Variants in CROT observed in about 807,000 individuals in gnomAD.
CROT encodes peroxisomal carnitine O-octanoyltransferase.
CROT carries 84 observed loss-of-function variants against 89.2 expected under a neutral mutation model. The observed-to-expected ratio is 0.94, with a 90% CI of 0.79 to 1.13. The LOEUF (loss-of-function observed/expected upper bound fraction) is 1.13. CROT is among the 50% of genes most tolerant of loss of function. The probability of loss-of-function intolerance (pLI) is 0.00; values close to 1 mark genes in which losing one functional copy is unlikely to be tolerated. For synonymous variants in CROT, 212 were observed against 239.5 expected (o/e 0.89, Z 1.06); for missense variants, 711 against 727.8 (o/e 0.98, Z 0.27).
intron 10 of CROT, among the ~76,000 whole-genome samples, chr7:87,380,818 T>TTCA: frequency 1.3e-5 from 2 of 152,326 alleles, no homozygotes; most frequent in Middle Eastern, 3.4e-3. Context: ...ACAATATATT[T>TTCA]GATAATATCT....
Position 87,384,511 on chromosome 7 carries a change from G to A in CROT, c.1301+1968G>A, listed in dbSNP as rs532434094. On this transcript the variant is annotated intron_variant, in intron 13 of 17. Transcript: ENST00000331536. ...CGTGCCACTGCACTCCAGCCTGGGC[G>A]ACAGAGCAAGACACTGTCTAACAAC... Among the ~76,000 whole-genome samples, 4 of 152,280 alleles carry A rather than the reference G, an allele frequency of 2.6e-5. No individual in the cohort carries two copies. In the East Asian group the frequency reaches 7.7e-4, roughly 29 times the overall value.
Position 87,361,746 on chromosome 7 carries a change from T to G in CROT, c.441T>G (p.His147Gln), listed in dbSNP as rs776344240. The G allele has an allele frequency of 1.9e-6, 3 of 1,584,914 alleles. No homozygotes were observed. Among genetic ancestry groups the G allele is most frequent in the Non-Finnish European group, 2.6e-6 (3 of 1,170,584 alleles). ...TTAATAGAGAAAAAGTGCCTGTTCA[T>G]AAAGTTGGAAATACTCCTCTAGATA... ...QLLRKEKVPVHKVGNTPLDMN... is the reference protein window; with the variant it reads ...QLLRKEKVPVQKVGNTPLDMN... Residue 147 changes from histidine to glutamine, a missense_variant, in exon 6 of 18, where the codon CAT becomes CAG. Physicochemically the swap from His to Gln is conservative, Grantham distance 24 (BLOSUM62 0). Coordinates refer to ENST00000331536, the MANE Select transcript of CROT (RefSeq NM_021151.4).
chr7:87,365,620 G>T (rs1288386002), intron 6 of CROT, among the ~76,000 whole-genome samples: 4 of 139,476 alleles, frequency 2.9e-5, no homozygotes, highest in African/African-American at 5.9e-5. Context: ...TTTTTTGTTT[G>T]TCTTTTTTTT....
intron 4 of CROT, among the ~76,000 whole-genome samples, chr7:87,360,590 C>G (rs1806235861): frequency 6.6e-6 from 1 of 152,184 alleles, no homozygotes; most frequent in Admixed American, 6.5e-5. Flanking sequence ...ATCTGCCTGC[C>G]TCCGCCTCCC....
At chr7:87,393,906 GA>G (rs1329015234) in intron 17 of CROT, among the ~76,000 whole-genome samples, 6 of 152,002 alleles carry the variant, frequency 3.9e-5, no homozygotes, top group African/African-American at 7.2e-5. Flanking sequence ...GAGACAATTT[GA>G]AAAAACTCAA....
At chr7:87,391,110 C>T (rs974032435) in intron 13 of CROT, among the ~76,000 whole-genome samples, 13 of 152,242 alleles carry the variant, frequency 8.5e-5, no homozygotes, top group Admixed American at 5.2e-4. Flanking sequence ...GAGGGTCACC[C>T]TCAGTTTTCT....
In CROT at chr7:87,377,318, T is replaced by A. The variant is rs375093337; in HGVS notation, c.877-31T>A. 2.8e-5 allele frequency: 40 copies of A among 1,404,072 alleles called. No individual in the cohort carries two copies. The African/African-American group carries it at 5.0e-4, about 18-fold the overall frequency. The allele number at this position is 1,404,072 out of a possible 1,614,324, so 87.0% of individuals were successfully genotyped here. A position where few individuals can be genotyped will look rare whatever the true frequency, so the allele number is the denominator to read the frequency against. On this transcript the variant is annotated intron_variant, in intron 9 of 17. Transcript: ENST00000331536. ...ATTCTTACAAACCAATATTAAACCC[T>A]TTTAATTTGGAAAAATTAAATTTAT...
intron 6 of CROT, among the ~76,000 whole-genome samples, chr7:87,363,763 T>C (rs760651029): frequency 6.6e-6 from 1 of 152,216 alleles, no homozygotes; most frequent in Non-Finnish European, 1.5e-5. Flanking sequence ...AATAGACTTT[T>C]AGAGGTGAGA....
At chr7:87,390,092 T>C (rs1034204598) in intron 13 of CROT, among the ~76,000 whole-genome samples, 1 of 152,192 alleles carries the variant, frequency 6.6e-6, no homozygotes, top group Non-Finnish European at 1.5e-5. Flanking sequence ...CTGATTGTAT[T>C]CCCATGGTGA....
At chr7:87,376,051 G>A in intron 9 of CROT, 98 bp downstream of exon 9, 2 of 1,199,692 alleles carry the variant, frequency 1.7e-6, no homozygotes, top group Non-Finnish European at 2.3e-6. Context: ...CTACCTTTAG[G>A]CTCTTGAAAC....
intron 13 of CROT, among the ~76,000 whole-genome samples, chr7:87,383,131 C>T (rs945725675): frequency 1.3e-5 from 2 of 152,138 alleles, no homozygotes; most frequent in African/African-American, 4.8e-5. Context: ...CAAGTCTTCT[C>T]TTCTTGGTAT....
At chr7:87,359,862 C>T (rs1806217662) in intron 4 of CROT, 1 of 985,744 alleles carries the variant, frequency 1.0e-6, no homozygotes, top group African/African-American at 1.7e-5. Context: ...AATTCTTTAA[C>T]TTCTTCAGCT....
chr7:87,361,322 A>T, intron 4 of CROT, 68 bp from the exon 5 acceptor site: 1 of 1,428,676 alleles, frequency 7.0e-7, no homozygotes, highest in Non-Finnish European at 9.6e-7. Flanking sequence ...TTGCTTTTTA[A>T]AATTCCCAGT....
intron 3 of CROT, chr7:87,357,367 A>G: frequency 9.3e-7 from 1 of 1,078,840 alleles, no homozygotes; most frequent in Non-Finnish European, 1.4e-6. Flanking sequence ...ATTATACCCT[A>G]GAGACTCTAA....
At chr7:87,360,810 T>A (rs1806241671) in intron 4 of CROT, among the ~76,000 whole-genome samples, 1 of 152,206 alleles carries the variant, frequency 6.6e-6, no homozygotes, top group South Asian at 2.1e-4. Context: ...TACAATACAA[T>A]GATATTTCTG....
At chr7:87,349,360 G>A (rs1008714056) in intron 3 of CROT, among the ~76,000 whole-genome samples, 177 bp downstream of exon 3, 29 of 152,128 alleles carry the variant, frequency 1.9e-4, no homozygotes, top group African/African-American at 7.0e-4. Context: ...ACAGTTTATT[G>A]AAAGCTTCTC....
At chr7:87,349,303 C>T (rs1362564725) in intron 3 of CROT, 120 bp downstream of exon 3, 2 of 474,166 alleles carry the variant, frequency 4.2e-6, no homozygotes, top group East Asian at 3.4e-5. Flanking sequence ...TCTTGGATCT[C>T]TTGCAGGAAG....
chr7:87,377,498 T>TA, intron 10 of CROT, 48 bp downstream of exon 10: 1 of 1,068,654 alleles, frequency 9.4e-7, no homozygotes, highest in East Asian at 2.4e-5. Flanking sequence ...TAGGTTAAAT[T>TA]AATGACAATA....
At chr7:87,392,502 G>A in intron 14 of CROT, 64 bp from the exon 15 acceptor site, 5 of 1,304,136 alleles carry the variant, frequency 3.8e-6, no homozygotes, top group Non-Finnish European at 5.5e-6. Flanking sequence ...AATGAGCTTA[G>A]GATTTTTTTC....
Sources: gnomAD v4.1 joint callset for allele counts (sites outside exome capture counted in the v4.1 genomes callset) on GRCh38, gnomAD v4.1.1 for gene constraint, MANE v1.5 for transcripts, NCBI Gene and HGNC (gene_info 2026-07-23, HGNC 2026-07-21) for gene names.